SMAP2: variants seen among roughly 807,000 people sequenced by gnomAD.
The protein encoded by SMAP2 is small ArfGAP2.
Under a neutral mutation model 56.4 loss-of-function variants are expected in SMAP2, and 25 were observed. The ratio of observed to expected loss-of-function variants is 0.44; its 90% CI spans 0.32 to 0.62. The LOEUF (loss-of-function observed/expected upper bound fraction) is 0.62, where lower values mean the gene tolerates loss of function less well. Ranked by LOEUF, SMAP2 falls within the 20% of genes least tolerant of loss-of-function variation. SMAP2 has a pLI of 0.04. For missense variants in SMAP2, 388 were observed against 545.6 expected (o/e 0.71, Z 2.88); for synonymous variants, 157 against 181.7 (o/e 0.86, Z 1.09).
chr1:40,419,584 T>C (rs1645023328), intron 9 of SMAP2, among the ~76,000 whole-genome samples: 2 of 152,102 alleles, frequency 1.3e-5, no homozygotes, highest in South Asian at 4.1e-4. Flanking sequence ...TGCGCCCAGC[T>C]GAGAATTTTT....
intron 6 of SMAP2, 131 bp downstream of exon 6, chr1:40,414,371 C>A: frequency 1.2e-6 from 1 of 811,152 alleles, no homozygotes. Context: ...CACATTCTTC[C>A]TGATCTGTTT....
At chr1:40,418,904 A>G (rs1645015536) in intron 9 of SMAP2, among the ~76,000 whole-genome samples, 2 of 152,236 alleles carry the variant, frequency 1.3e-5, no homozygotes, top group Admixed American at 6.5e-5. Flanking sequence ...GGAATCTAAC[A>G]GAAGATAAGC....
At chr1:40,394,643 G>A (rs1302204488) in intron 1 of SMAP2, among the ~76,000 whole-genome samples, 1 of 151,690 alleles carries the variant, frequency 6.6e-6, no homozygotes, top group East Asian at 1.9e-4. Context: ...AATCTCCTAG[G>A]GAAACCCCCA....
chr1:40,416,427 T>G, intron 8 of SMAP2, 86 bp downstream of exon 8: 1 of 1,469,312 alleles, frequency 6.8e-7, no homozygotes, highest in East Asian at 2.3e-5. Flanking sequence ...CAGAGGACAG[T>G]TGCTTTGGGG....
intron 4 of SMAP2, among the ~76,000 whole-genome samples, chr1:40,410,398 G>A (rs1569909869): frequency 6.6e-6 from 1 of 151,484 alleles, no homozygotes; most frequent in East Asian, 1.9e-4. Flanking sequence ...TTCTTGGGAT[G>A]GACATGTTGC....
chr1:40,401,119 C>T (rs1015160024), intron 1 of SMAP2, among the ~76,000 whole-genome samples: 2 of 152,052 alleles, frequency 1.3e-5, no homozygotes, highest in African/African-American at 4.8e-5. Flanking sequence ...CAAAATTAGC[C>T]GGGCGTGATC....
intron 1 of SMAP2, among the ~76,000 whole-genome samples, chr1:40,376,059 T>C (rs1444843775): frequency 1.3e-5 from 2 of 152,058 alleles, no homozygotes; most frequent in Non-Finnish European, 2.9e-5. Flanking sequence ...CAAGTGATTC[T>C]CCTGCCTCAG....
intron 1 of SMAP2, among the ~76,000 whole-genome samples, chr1:40,377,760 C>A (rs1644554559): frequency 1.3e-5 from 2 of 152,126 alleles, no homozygotes; most frequent in African/African-American, 2.4e-5. Context: ...ATCAGTGTGT[C>A]AGGAATAATT....
At chr1:40,354,483 C>T (rs373083322) in intron 1 of SMAP2, among the ~76,000 whole-genome samples, 11 of 151,728 alleles carry the variant, frequency 7.2e-5, no homozygotes, top group African/African-American at 2.4e-4. Context: ...GGACTACAGG[C>T]GCCCACCACC....
chr1:40,360,038 G>A (rs576901353), intron 1 of SMAP2, among the ~76,000 whole-genome samples: 18 of 112,978 alleles, frequency 1.6e-4, no homozygotes, highest in African/African-American at 5.4e-4. Flanking sequence ...ATGGAGTCTC[G>A]CTGTGTCACC....
chr1:40,345,495 T>C (rs1383720557), intron 1 of SMAP2, among the ~76,000 whole-genome samples: 1 of 151,014 alleles, frequency 6.6e-6, no homozygotes, highest in African/African-American at 2.4e-5. Context: ...TTCATTTTTC[T>C]TTTTTTTTGA....
chr1:40,397,899 A>G (rs1644787906), intron 1 of SMAP2, among the ~76,000 whole-genome samples: 1 of 152,194 alleles, frequency 6.6e-6, no homozygotes, highest in Admixed American at 6.5e-5. Context: ...AGAATGGTGT[A>G]GTCAAAGAGA....
At chr1:40,355,603 T>C (rs1350775274) in intron 1 of SMAP2, among the ~76,000 whole-genome samples, 1 of 152,144 alleles carries the variant, frequency 6.6e-6, no homozygotes, top group Non-Finnish European at 1.5e-5. Flanking sequence ...TTGACTGTAG[T>C]CACCCTGTTG....
At chr1:40,383,105 A>G (rs1454042286) in intron 1 of SMAP2, among the ~76,000 whole-genome samples, 1 of 152,228 alleles carries the variant, frequency 6.6e-6, no homozygotes, top group Non-Finnish European at 1.5e-5. Flanking sequence ...CAAGGCTGCT[A>G]GAAGAGCCAA....
intron 1 of SMAP2, among the ~76,000 whole-genome samples, chr1:40,392,771 C>T (rs1008261102): frequency 1.3e-5 from 2 of 152,116 alleles, no homozygotes; most frequent in African/African-American, 4.8e-5. Flanking sequence ...CTTAAATCCA[C>T]ATAAGCAAAA....
intron 1 of SMAP2, among the ~76,000 whole-genome samples, chr1:40,400,092 G>T (rs543714096): frequency 1.3e-5 from 2 of 152,312 alleles, no homozygotes; most frequent in South Asian, 4.1e-4. Context: ...CCCTTGTGAT[G>T]TATAGGAGTT....
chr1:40,371,514 A>G (rs1019086516), upstream of SMAP2, among the ~76,000 whole-genome samples: 1 of 152,218 alleles, frequency 6.6e-6, no homozygotes, highest in Non-Finnish European at 1.5e-5. Context: ...GCTGGCAGAG[A>G]GCTCTTGTTT....
rs191324787 is a variant in SMAP2 at position 40,408,054 on chromosome 1, C to A, written c.238-599C>A. On this transcript the variant is annotated intron_variant, in intron 2 of 9. Coordinates refer to ENST00000372718, the MANE Select transcript of SMAP2 (RefSeq NM_022733.3). The surrounding 1 kb of genome is among the most constrained non-coding windows in gnomAD (Gnocchi z 4.3). ...AATGGAAATCAGAGGTTACGCTTAA[C>A]CAGAAAATGGCTTTAGAAATTGCTT... is the stretch of plus-strand genomic sequence containing the variant. Among the ~76,000 whole-genome samples the A allele has an allele frequency of 9.3e-4, 142 of 151,964 alleles. No homozygotes were observed. The highest frequency in any genetic ancestry group is 1.5e-3 in the Non-Finnish European group (101 of 67,968).
At chr1:40,346,578 C>T (rs1027850291) in intron 1 of SMAP2, among the ~76,000 whole-genome samples, 10 of 152,120 alleles carry the variant, frequency 6.6e-5, no homozygotes, top group Admixed American at 3.9e-4. Context: ...CTATGTTGCT[C>T]AGGCTAGTCT....
Sources: allele counts gnomAD v4.1 joint callset (sites outside exome capture counted in the v4.1 genomes callset), GRCh38; gene constraint gnomAD v4.1.1; non-coding constraint Gnocchi (gnomAD v3.1); transcripts MANE v1.5; gene names NCBI Gene and HGNC (gene_info 2026-07-23, HGNC 2026-07-21).